ASPH: variants seen among roughly 807,000 people sequenced by gnomAD.
ASPH encodes the protein aspartate beta-hydroxylase, also known as aspartyl/asparaginyl beta-hydroxylase.
ASPH carries 100 observed loss-of-function variants against 118.4 expected under a neutral mutation model. The observed-to-expected ratio is 0.84, with a 90% CI of 0.72 to 1.00. The LOEUF (loss-of-function observed/expected upper bound fraction) is 1.00, where lower values mean the gene tolerates loss of function less well. ASPH is among the 50% of genes least tolerant of loss of function. The probability of loss-of-function intolerance (pLI) is 0.00; values close to 1 mark genes in which losing one functional copy is unlikely to be tolerated. For missense variants in ASPH, 920 were observed against 919.5 expected (o/e 1.00, Z -0.01); for synonymous variants, 315 against 325.6 (o/e 0.97, Z 0.35).
At chr8:61,599,237 A>C (rs1037920211) in intron 14 of ASPH, among the ~76,000 whole-genome samples, 1 of 152,198 alleles carries the variant, frequency 6.6e-6, no homozygotes, top group Admixed American at 6.5e-5. Context: ...ACCAAACAAC[A>C]CATGTTCTCA....
intron 1 of ASPH, among the ~76,000 whole-genome samples, chr8:61,705,580 C>A (rs79500647): frequency 0.13 from 20,496 of 152,110 alleles, 1,614 homozygotes; most frequent in Non-Finnish European, 0.18. Flanking sequence ...AATCTATGAT[C>A]AAAAAATGTA....
At chr8:61,515,420 C>T (rs1810530845) in intron 24 of ASPH, among the ~76,000 whole-genome samples, 1 of 152,160 alleles carries the variant, frequency 6.6e-6, no homozygotes, top group Admixed American at 6.5e-5. Flanking sequence ...CTGGTCTACC[C>T]GATTTTGCCT....
At chr8:61,572,331 T>G (rs1430707926) in intron 16 of ASPH, among the ~76,000 whole-genome samples, 2 of 152,196 alleles carry the variant, frequency 1.3e-5, no homozygotes, top group East Asian at 3.8e-4. Context: ...CTGTTGGAGC[T>G]TTACTTCCTG....
At chr8:61,669,301 C>A (rs1821236264) in intron 3 of ASPH, among the ~76,000 whole-genome samples, 2 of 152,170 alleles carry the variant, frequency 1.3e-5, no homozygotes, top group Admixed American at 6.5e-5. Context: ...TTGTATCTAT[C>A]AATTGAGGTC....
chr8:61,511,758 C>T (rs1808910885), intron 24 of ASPH, among the ~76,000 whole-genome samples: 1 of 152,184 alleles, frequency 6.6e-6, no homozygotes, highest in South Asian at 2.1e-4. Context: ...CATTAGCCAC[C>T]ATGCCCGGCT....
At chr8:61,551,189 TC>T (rs1175225752) in intron 20 of ASPH, among the ~76,000 whole-genome samples, 1 of 152,112 alleles carries the variant, frequency 6.6e-6, no homozygotes, top group Non-Finnish European at 1.5e-5. Flanking sequence ...TCATGGTTTG[TC>T]CCCCGTCTTC....
intron 22 of ASPH, among the ~76,000 whole-genome samples, chr8:61,519,512 A>C (rs977784971): frequency 6.6e-6 from 1 of 152,210 alleles, no homozygotes; most frequent in Non-Finnish European, 1.5e-5. Context: ...CTCCCAAAAG[A>C]TGTCCATACC....
intron 1 of ASPH, among the ~76,000 whole-genome samples, chr8:61,712,259 A>C (rs1297995455): frequency 6.6e-6 from 1 of 152,196 alleles, no homozygotes; most frequent in African/African-American, 2.4e-5. Context: ...ATGACCAGGT[A>C]AACAGCATTA....
chr8:61,646,318 A>G (rs911943082), intron 6 of ASPH, among the ~76,000 whole-genome samples: 2 of 152,218 alleles, frequency 1.3e-5, no homozygotes, highest in Non-Finnish European at 2.9e-5. Context: ...CTCTCTGGCT[A>G]TTTACAAAAA....
rs906835555 is a variant in ASPH at position 61,555,841 on chromosome 8, C to T, written c.1536+83G>A. ...GAAAATACTCAGCAGTGCATGCAATCAATCTACAAGGAATAAGCAAGTGTG... is the reference window on the plus strand; with the variant it reads ...GAAAATACTCAGCAGTGCATGCAATTAATCTACAAGGAATAAGCAAGTGTG... On this transcript the variant is annotated intron_variant, in intron 19 of 24. Transcript: ENST00000379454. 1.7e-5 allele frequency: 21 copies of T among 1,202,668 alleles called. No individual in the cohort carries two copies. In the South Asian group the frequency reaches 2.6e-4, roughly 15 times the overall value. 74.5% of individuals were successfully genotyped at this position (1,202,668 alleles called of 1,614,324 possible).
intron 3 of ASPH, chr8:61,660,111 A>C (rs1816026643): frequency 6.6e-6 from 1 of 152,134 alleles, no homozygotes; most frequent in African/African-American, 2.4e-5. Flanking sequence ...TAATGAGCAT[A>C]GTATCCAATA....
Position 61,714,315 on chromosome 8 carries a change from G to A in ASPH, c.57C>T (p.Gly19=). The A allele has an allele frequency of 6.6e-7, 1 of 1,522,038 alleles. No individual in the cohort carries two copies. Among genetic ancestry groups the A allele is most frequent in the Non-Finnish European group, 8.8e-7 (1 of 1,135,862 alleles). The allele number at this position is 1,522,038 out of a possible 1,614,324, so 94.3% of individuals were successfully genotyped here. Residue 19 remains glycine, a synonymous_variant, in exon 1 of 25, where the codon GGC becomes GGT. Coordinates refer to ENST00000379454, the MANE Select transcript of ASPH (RefSeq NM_004318.4). ...TGCTGCCCGCACTCGTGCTACCGCT[G>A]CCGGAGCCGCTGCTGCTGCTGTTGC... The part of the protein sequence containing the change: ...SSGNSSSSGS[G]SGSTSAGSSS...
intron 16 of ASPH, among the ~76,000 whole-genome samples, chr8:61,573,293 T>C (rs1423551253): frequency 3.9e-5 from 6 of 152,226 alleles, no homozygotes. Flanking sequence ...GTGCCCAAAG[T>C]AATTTATAGA....
chr8:61,681,044 A>G lies in ASPH; in HGVS notation c.254-8T>C, dbSNP rs763027976. On this transcript the variant is annotated splice_polypyrimidine_tract_variant and splice_region_variant and intron_variant, in intron 2 of 24. Coordinates refer to ENST00000379454, the MANE Select transcript of ASPH (RefSeq NM_004318.4). ...CATAGATTCCTAGTTTTCCTATAATAGGGCAGAAATGATGGATATGGGAAT... is the reference window on the plus strand; with the variant it reads ...CATAGATTCCTAGTTTTCCTATAATGGGGCAGAAATGATGGATATGGGAAT... 6.3e-7 allele frequency: 1 copy of G among 1,582,788 alleles called. No individual in the cohort carries two copies. The highest frequency in any genetic ancestry group is 8.6e-7 in the Non-Finnish European group (1 of 1,165,212).
chr8:61,672,166 T>C (rs1036270412), intron 3 of ASPH, among the ~76,000 whole-genome samples: 2 of 152,224 alleles, frequency 1.3e-5, no homozygotes, highest in African/African-American at 4.8e-5. Context: ...ATGTCTACTC[T>C]TAGTAAAATG....
intron 22 of ASPH, among the ~76,000 whole-genome samples, chr8:61,518,642 G>A (rs1811778678): frequency 6.6e-6 from 1 of 152,002 alleles, no homozygotes; most frequent in African/African-American, 2.4e-5. Context: ...AAATAATAAG[G>A]AAGAGAAAAT....
intron 15 of ASPH, chr8:61,578,635 T>G (rs202237112): frequency 1.0e-5 from 16 of 1,569,114 alleles, no homozygotes; most frequent in African/African-American, 1.4e-5. Context: ...ATGGACAACA[T>G]GTTCGAGAGC....
Position 61,626,294 on chromosome 8 carries a change from G to C in ASPH, c.935-7275C>G. On this transcript the variant is annotated intron_variant, in intron 13 of 24. Coordinates refer to ENST00000379454, the MANE Select transcript of ASPH (RefSeq NM_004318.4). ...AGCTTTAAGTATCTGCAAAAATAAG[G>C]GGAAATCTAAATTAAAGGACCAACC... The C allele has an allele frequency of 1.9e-6, 3 of 1,558,926 alleles. No individual in the cohort carries two copies. The Middle Eastern group carries it at 5.1e-4, about 266-fold the overall frequency.
intron 1 of ASPH, among the ~76,000 whole-genome samples, chr8:61,700,668 A>G (rs550658023): frequency 6.6e-6 from 1 of 152,342 alleles, no homozygotes; most frequent in Admixed American, 6.5e-5. Flanking sequence ...GAAACAAACA[A>G]CGTAAGAATT....
Sources: allele counts gnomAD v4.1 joint callset (sites outside exome capture counted in the v4.1 genomes callset), GRCh38; gene constraint gnomAD v4.1.1; transcripts MANE v1.5; gene names NCBI Gene and HGNC (gene_info 2026-07-23, HGNC 2026-07-21).